FSTL5: variants seen among roughly 807,000 people sequenced by gnomAD.
The protein encoded by FSTL5 is follistatin-related protein 5.
FSTL5 carries 62 observed loss-of-function variants against 89.1 expected under a neutral mutation model. The ratio of observed to expected loss-of-function variants is 0.70; its 90% CI spans 0.57 to 0.86. The LOEUF is 0.86. FSTL5 is among the 40% of genes least tolerant of loss of function. The pLI is 0.00. For synonymous variants in FSTL5, 383 were observed against 346.2 expected, an observed-to-expected ratio of 1.11 and a Z score of -1.18; for missense variants, 1,057 against 1,001.6, an observed-to-expected ratio of 1.06 and a Z score of -0.75.
chr4:162,162,675 A>C (rs1158997630), intron 1 of FSTL5, among the ~76,000 whole-genome samples: 1 of 152,184 alleles, frequency 6.6e-6, no homozygotes, highest in African/African-American at 2.4e-5. Flanking sequence ...TTCTCTGTAC[A>C]CACTCAGAAC....
intron 15 of FSTL5, among the ~76,000 whole-genome samples, chr4:161,399,807 C>G (rs1731125545): frequency 1.3e-5 from 2 of 152,034 alleles, no homozygotes; most frequent in South Asian, 4.1e-4. Flanking sequence ...TAGCTCACTA[C>G]AAGAGCAATA....
At chr4:161,826,512 C>T (rs534966167) in intron 4 of FSTL5, among the ~76,000 whole-genome samples, 2 of 152,050 alleles carry the variant, frequency 1.3e-5, no homozygotes, top group South Asian at 2.1e-4. Context: ...TATTGTGTTG[C>T]CATCTATCTC....
intron 7 of FSTL5, among the ~76,000 whole-genome samples, chr4:161,645,459 C>A (rs1038197671): frequency 6.6e-6 from 1 of 151,860 alleles, no homozygotes; most frequent in Non-Finnish European, 1.5e-5. Flanking sequence ...TGAATAAAGA[C>A]CTTTAAAAAT....
At chr4:162,007,880 C>G (rs1012016592) in intron 3 of FSTL5, among the ~76,000 whole-genome samples, 2 of 151,664 alleles carry the variant, frequency 1.3e-5, no homozygotes, top group Non-Finnish European at 3.0e-5. Flanking sequence ...CATATATATA[C>G]AGTGAAAACT....
At chr4:162,036,985 A>G (rs1179033318) in intron 2 of FSTL5, among the ~76,000 whole-genome samples, 1 of 151,776 alleles carries the variant, frequency 6.6e-6, no homozygotes, top group African/African-American at 2.4e-5. Flanking sequence ...GTAGCTGGAA[A>G]CTAAAGTCCA....
chr4:161,756,476 T>C (rs1199339967), intron 6 of FSTL5, among the ~76,000 whole-genome samples: 1 of 152,102 alleles, frequency 6.6e-6, no homozygotes, highest in African/African-American at 2.4e-5. Context: ...CCCATATATA[T>C]TTCCTTCTAT....
chr4:162,089,373 G>A (rs921917910), intron 2 of FSTL5, among the ~76,000 whole-genome samples: 7 of 150,882 alleles, frequency 4.6e-5, no homozygotes, highest in African/African-American at 1.2e-4. Flanking sequence ...AGTGGCTCAC[G>A]CCTATAATCT....
intron 14 of FSTL5, among the ~76,000 whole-genome samples, chr4:161,457,771 T>C (rs987278285): frequency 1.3e-5 from 2 of 152,184 alleles, no homozygotes; most frequent in Admixed American, 6.6e-5. Context: ...TTATTTATCT[T>C]GCAAAGAGTA....
chr4:161,839,494 T>A (rs1490951001), intron 4 of FSTL5, among the ~76,000 whole-genome samples: 1 of 152,106 alleles, frequency 6.6e-6, no homozygotes. Context: ...ACACTAATGC[T>A]CAACAATAAA....
At chr4:161,538,782 G>A (rs1731721954) in intron 9 of FSTL5, among the ~76,000 whole-genome samples, 1 of 151,816 alleles carries the variant, frequency 6.6e-6, no homozygotes, top group South Asian at 2.1e-4. Flanking sequence ...TTTTTATTGT[G>A]AGACAGAATC....
intron 3 of FSTL5, among the ~76,000 whole-genome samples, chr4:162,017,988 T>A (rs1461956638): frequency 1.3e-5 from 2 of 152,138 alleles, no homozygotes; most frequent in Admixed American, 6.6e-5. Flanking sequence ...CCAGCCTGAC[T>A]TTGTCTGTTC....
At chr4:161,919,872 T>TA (rs1370355841) in intron 4 of FSTL5, among the ~76,000 whole-genome samples, 58 of 152,128 alleles carry the variant, frequency 3.8e-4, no homozygotes, top group Admixed American at 3.5e-3. Context: ...ACCAGTACTT[T>TA]AAAAAAAATT....
chr4:161,944,138 C>T (rs1734672085), intron 3 of FSTL5, among the ~76,000 whole-genome samples: 1 of 152,134 alleles, frequency 6.6e-6, no homozygotes, highest in Non-Finnish European at 1.5e-5. Flanking sequence ...AGTTATCTAG[C>T]TTCAGCTTGC....
chr4:162,039,311 G>C (rs779430383), intron 2 of FSTL5, among the ~76,000 whole-genome samples: 6 of 151,638 alleles, frequency 4.0e-5, no homozygotes, highest in Non-Finnish European at 5.9e-5. Context: ...CTAGTTTGCT[G>C]TTGTTTTTCC....
At chr4:161,668,840 G>A (rs1404898374) in intron 6 of FSTL5, among the ~76,000 whole-genome samples, 3 of 152,004 alleles carry the variant, frequency 2.0e-5, no homozygotes, top group Admixed American at 1.3e-4. Context: ...GGCTGGGCGC[G>A]GTGGCTCACG....
Position 162,068,262 on chromosome 4 carries a change from G to A in FSTL5, c.127-34604C>T, listed in dbSNP as rs145269191. Among the ~76,000 whole-genome samples, 301 of 152,140 alleles carry A rather than the reference G, an allele frequency of 2.0e-3. 1 individual carries two copies. The highest frequency in any genetic ancestry group is 6.9e-3 in the African/African-American group (287 of 41,522). On this transcript the variant is annotated intron_variant, in intron 2 of 15. Transcript: ENST00000306100. ...TAGCCAAGGCAATCCTAAGCAAAAA[G>A]AACAAAGCTGGGGACACTATGGCAC... is the stretch of plus-strand genomic sequence containing the variant.
intron 8 of FSTL5, among the ~76,000 whole-genome samples, chr4:161,549,407 C>A (rs529265981): frequency 1.2e-4 from 18 of 151,690 alleles, no homozygotes; most frequent in African/African-American, 4.3e-4. Flanking sequence ...TAATAATAGG[C>A]TCTTTGAGAG....
chr4:161,718,345 A>C (rs1288373930), intron 6 of FSTL5, among the ~76,000 whole-genome samples: 40 of 152,176 alleles, frequency 2.6e-4, no homozygotes, highest in Admixed American at 2.6e-3. Context: ...TGGAAGAATT[A>C]TTAGCATTTT....
At chr4:161,568,823 A>G (rs1388794041) in intron 8 of FSTL5, among the ~76,000 whole-genome samples, 2 of 152,218 alleles carry the variant, frequency 1.3e-5, no homozygotes, top group African/African-American at 4.8e-5. Context: ...TAGTAATACA[A>G]AGCACAAATA....
Sources: allele counts gnomAD v4.1 joint callset (sites outside exome capture counted in the v4.1 genomes callset), GRCh38; gene constraint gnomAD v4.1.1; transcripts MANE v1.5; gene names NCBI Gene and HGNC (gene_info 2026-07-23, HGNC 2026-07-21).